Variants in DNHD1 observed in about 807,000 individuals in gnomAD.
DNHD1 encodes the protein dynein heavy chain domain-containing protein 1.
DNHD1 carries 383 observed loss-of-function variants against 458.1 expected under a neutral mutation model. That is an observed-to-expected ratio of 0.84 (90% CI 0.77 to 0.91). DNHD1 has a LOEUF of 0.91. Among genes scored for constraint, DNHD1 ranks in the 40% least tolerant of loss-of-function variants. The probability of loss-of-function intolerance (pLI) is 0.00; values close to 1 mark genes in which losing one functional copy is unlikely to be tolerated. For missense variants in DNHD1, 5,336 were observed against 5,866.1 expected, an observed-to-expected ratio of 0.91 and a Z score of 2.95; for synonymous variants, 2,203 against 2,376.9, an observed-to-expected ratio of 0.93 and a Z score of 2.13.
In DNHD1 at chr11:6,498,709, GC is replaced by G; in HGVS notation, c.497del (p.Pro166LeufsTer12). 1 of 1,614,194 alleles carries G rather than the reference GC, an allele frequency of 6.2e-7. No homozygotes were observed. Among genetic ancestry groups the G allele is most frequent in the Non-Finnish European group, 8.5e-7 (1 of 1,180,026 alleles). ...RLHHRPPCPA[C>X]PFVQAQWSRQ... Reference sequence around the variant, plus strand: ...CATCACAGGCCCCCATGCCCAGCTTGCCCTTTTGTGCAGGCCCAGTGGAGCA... The same window carrying G: ...CATCACAGGCCCCCATGCCCAGCTTGCCTTTTGTGCAGGCCCAGTGGAGCA... On this transcript the variant is annotated frameshift_variant, in exon 3 of 43. Coordinates refer to ENST00000254579, the MANE Select transcript of DNHD1 (RefSeq NM_144666.3). LOFTEE classifies it high-confidence loss of function.
In DNHD1 at chr11:6,548,767, T is replaced by C; in HGVS notation, c.7221T>C (p.Pro2407=). The part of the protein sequence containing the change: ...FVEVLVEPHH[P]YIYSPIHPAF... Reference sequence around the variant, plus strand: ...AGGTGCTGGTAGAGCCACATCACCCTTACATATACAGCCCCATCCACCCTG... The same window carrying C: ...AGGTGCTGGTAGAGCCACATCACCCCTACATATACAGCCCCATCCACCCTG... The change falls in exon 24 of 43, where the codon CCT becomes CCC. Residue 2407 remains proline (P), a synonymous_variant. Coordinates refer to ENST00000254579, the MANE Select transcript of DNHD1 (RefSeq NM_144666.3). This position sits in a 1 kb window ranked among gnomAD's most constrained non-coding sequence, Gnocchi z 4.4. The C allele has an allele frequency of 6.4e-7, 1 of 1,551,614 alleles. No individual in the cohort carries two copies.
chr11:6,563,365 T>C lies in DNHD1; in HGVS notation c.9670-17T>C. On this transcript the variant is annotated splice_polypyrimidine_tract_variant and intron_variant, in intron 29 of 42. Coordinates refer to ENST00000254579, the MANE Select transcript of DNHD1 (RefSeq NM_144666.3). ...CATCTCAGGAGCTCACTTCAGAGGGTATCTCTCCTCATTTAGATGAGCAAG... is the reference window on the plus strand; with the variant it reads ...CATCTCAGGAGCTCACTTCAGAGGGCATCTCTCCTCATTTAGATGAGCAAG... The C allele has an allele frequency of 6.4e-7, 1 of 1,551,100 alleles. No homozygotes were observed. The highest frequency in any genetic ancestry group is 2.0e-5 in the Admixed American group (1 of 51,000).
Position 6,548,383 on chromosome 11 carries a change from C to G in DNHD1, c.7079C>G (p.Thr2360Ser). Residue 2360 changes from threonine (T) to serine (S), a missense_variant, in exon 23 of 43, where the codon ACC (threonine) becomes AGC (serine). Thr to Ser is a moderately conservative substitution (Grantham distance 58). Around this residue, in one of 4 missense-constraint regions of DNHD1, gnomAD observed 3,932 missense variants for 4,365.6 expected, o/e 0.90. Coordinates refer to ENST00000254579, the MANE Select transcript of DNHD1 (RefSeq NM_144666.3). This position sits in a 1 kb window ranked among gnomAD's most constrained non-coding sequence, Gnocchi z 4.4. ...LSSHIKGTLG[T>S]FHPSIQTERL... ...AGCCACATCAAAGGAACTTTGGGCA[C>G]CTTTCACCCTTCTATCCAGGTGTGA... 4 of 1,551,726 alleles carry G rather than the reference C, an allele frequency of 2.6e-6. No individual in the cohort carries two copies. Among genetic ancestry groups the G allele is most frequent in the Non-Finnish European group, 3.5e-6 (4 of 1,146,990 alleles).
In DNHD1 at chr11:6,562,220, C is replaced by G. The variant is rs145432206; in HGVS notation, c.9520-762C>G. 1.1e-4 allele frequency among the ~76,000 whole-genome samples: 17 copies of G among 152,246 alleles called. No homozygotes were observed. In the East Asian group the frequency reaches 2.9e-3, roughly 26 times the overall value. ...ATTCAGGAGATGGAGCCAAGGGTAA[C>G]AACTCAGTTTGTTCCTTGGGAATCT... On this transcript the variant is annotated intron_variant, in intron 28 of 42. Coordinates refer to ENST00000254579, the MANE Select transcript of DNHD1 (RefSeq NM_144666.3).
At position 6,547,577 on chromosome 11, in the gene DNHD1, G is replaced by A; in HGVS notation, c.6638G>A (p.Gly2213Asp). The stretch of plus-strand genomic sequence containing the variant: ...CACGGGCAGCAGGCTGTTTGTGCAG[G>A]TGTGGCAGAAGTTACCAGCATGGCA... ...QVHGQQAVCA[G>D]VAEVTSMARI... is the part of the protein sequence containing the mutation. The change falls in exon 21 of 43, where the codon GGT becomes GAT. Residue 2213 changes from glycine to aspartate, a missense_variant. Physicochemically the swap from Gly to Asp is moderately conservative, Grantham distance 94. Coordinates refer to ENST00000254579, the MANE Select transcript of DNHD1 (RefSeq NM_144666.3). 1 of 1,550,122 alleles carries A rather than the reference G, an allele frequency of 6.5e-7. No individual in the cohort carries two copies. Among genetic ancestry groups the A allele is most frequent in the Non-Finnish European group, 8.7e-7 (1 of 1,145,696 alleles).
In DNHD1 at chr11:6,571,871, G is replaced by A; in HGVS notation, c.14147G>A (p.Gly4716Asp). 1 of 1,614,006 alleles carries A rather than the reference G, an allele frequency of 6.2e-7. No homozygotes were observed. The highest frequency in any genetic ancestry group is 8.5e-7 in the Non-Finnish European group (1 of 1,179,902). ...CCTGTGTACATGGGAGGGCCCCTTG[G>A]CACCGCTAAGCTGCAGAGCAGGAAC... ...SCPVYMGGPL[G>D]TAKLQSRNIV... Residue 4716 changes from glycine (G) to aspartate (D), a missense_variant, in exon 43 of 43, where the codon GGC becomes GAC. Transcript: ENST00000254579. This position sits in a 1 kb window ranked among gnomAD's most constrained non-coding sequence, Gnocchi z 5.0.
Position 6,547,183 on chromosome 11 carries a change from C to T in DNHD1, c.6244C>T (p.His2082Tyr), listed in dbSNP as rs1472431524. 2 of 1,551,780 alleles carry T rather than the reference C, an allele frequency of 1.3e-6. No individual in the cohort carries two copies. The highest frequency in any genetic ancestry group is 1.7e-6 in the Non-Finnish European group (2 of 1,147,008). ...RQTEESIGIQ[H>Y]WIICDGASNG... Reference sequence around the variant, plus strand: ...GACAGAGGAATCAATCGGGATCCAGCACTGGATAATATGTGATGGAGCCTC... The same window carrying T: ...GACAGAGGAATCAATCGGGATCCAGTACTGGATAATATGTGATGGAGCCTC... The change falls in exon 21 of 43, where the codon CAC (histidine) becomes TAC (tyrosine). Residue 2082 changes from histidine (H) to tyrosine (Y), a missense_variant. This residue lies in a region of DNHD1 where 3,932 missense variants were observed against 4,365.6 expected (regional missense o/e 0.90). Coordinates refer to ENST00000254579, the MANE Select transcript of DNHD1 (RefSeq NM_144666.3).
Position 6,497,788 on chromosome 11 carries a change from C to T in DNHD1, c.-428C>T. On this transcript the variant is annotated 5_prime_UTR_variant, in exon 3 of 43. Transcript: ENST00000254579. Reference sequence around the variant, plus strand: ...TCCAGCAGGCACTCTTCAATGAAACCTCATCAGCAGATCGGGCTCTCTTCC... The same window carrying T: ...TCCAGCAGGCACTCTTCAATGAAACTTCATCAGCAGATCGGGCTCTCTTCC... 5.2e-6 allele frequency: 1 copy of T among 191,608 alleles called. No individual in the cohort carries two copies. Among genetic ancestry groups the T allele is most frequent in the Non-Finnish European group, 1.1e-5 (1 of 91,784 alleles). 11.9% of individuals were successfully genotyped at this position (191,608 alleles called of 1,614,324 possible).
In DNHD1 at chr11:6,520,080, C is replaced by T. The variant is rs771339647; in HGVS notation, c.1763C>T (p.Ser588Phe). The T allele has an allele frequency of 6.2e-7, 1 of 1,614,206 alleles. No individual in the cohort carries two copies. Among genetic ancestry groups the T allele is most frequent in the East Asian group, 2.2e-5 (1 of 44,892 alleles). The change falls in exon 9 of 43, where the codon TCT becomes TTT. Residue 588 changes from serine to phenylalanine, a missense_variant. By Grantham distance (155) the Ser-to-Phe change is radical. Transcript: ENST00000254579. ...MIQTLTGGLQSVKTSALQVVQ... is the reference protein window; with the variant it reads ...MIQTLTGGLQFVKTSALQVVQ... Reference sequence around the variant, plus strand: ...CAGACTCTAACTGGAGGCCTACAGTCTGTCAAGACCTCTGCCTTGCAGGTA... The same window carrying T: ...CAGACTCTAACTGGAGGCCTACAGTTTGTCAAGACCTCTGCCTTGCAGGTA...
Position 6,566,316 on chromosome 11 carries a change from A to G in DNHD1, c.11129A>G (p.Gln3710Arg), listed in dbSNP as rs1264474920. The change falls in exon 34 of 43, where the codon CAG becomes CGG. Residue 3710 changes from glutamine (Q) to arginine (R), a missense_variant. Around this residue, in one of 4 missense-constraint regions of DNHD1, gnomAD observed 695 missense variants for 804.2 expected, o/e 0.86. Transcript: ENST00000254579. ...CTGCAATGGCTGCTGCAACGGGAGCAGCTGAGTCCACCCCAGGTGCAGCCT... is the reference window on the plus strand; with the variant it reads ...CTGCAATGGCTGCTGCAACGGGAGCGGCTGAGTCCACCCCAGGTGCAGCCT... ...EELQWLLQRE[Q>R]LSPPQVQPGF... The G allele has an allele frequency of 8.4e-6, 13 of 1,552,284 alleles. No homozygotes were observed. The highest frequency in any genetic ancestry group is 1.1e-5 in the Non-Finnish European group (13 of 1,147,350).
chr11:6,558,382 A>G (rs1014550082), intron 25 of DNHD1, 85 bp downstream of exon 25: 53 of 1,533,586 alleles, frequency 3.5e-5, no homozygotes, highest in African/African-American at 5.5e-5. Context: ...GTGGGCTGCC[A>G]TGAGGGCTGA....
In DNHD1 at chr11:6,566,290, A is replaced by C. The variant is rs1853693759; in HGVS notation, c.11103A>C (p.Glu3701Asp). The C allele has an allele frequency of 6.4e-7, 1 of 1,551,828 alleles. No individual in the cohort carries two copies. The highest frequency in any genetic ancestry group is 8.7e-7 in the Non-Finnish European group (1 of 1,147,056). Reference sequence around the variant, plus strand: ...TGGAGCTGGGTCTAGGGTGCGAAGAACTGCAATGGCTGCTGCAACGGGAGC... The same window carrying C: ...TGGAGCTGGGTCTAGGGTGCGAAGACCTGCAATGGCTGCTGCAACGGGAGC... ...TNVELGLGCE[E>D]LQWLLQREQL... is the part of the protein sequence containing the mutation. Residue 3701 changes from glutamate (E) to aspartate (D), a missense_variant, in exon 34 of 43, where the codon GAA becomes GAC. By Grantham distance (45) the Glu-to-Asp change is conservative. Transcript: ENST00000254579.
Position 6,498,532 on chromosome 11 carries a change from C to T in DNHD1, c.317C>T (p.Pro106Leu), listed in dbSNP as rs150257060. Residue 106 changes from proline to leucine, a missense_variant, in exon 3 of 43, where the codon CCC (proline) becomes CTC (leucine). Around this residue, in one of 4 missense-constraint regions of DNHD1, gnomAD observed 3,932 missense variants for 4,365.6 expected, o/e 0.90. Transcript: ENST00000254579. ...CTAGTTGGCCACCTTGATTTGCTGC[C>T]CTTCCTGGAGCAGCTGTACTGCTGG... The part of the protein sequence containing the change: ...ELLVGHLDLL[P>L]FLEQLYCWAP... 26 of 1,614,052 alleles carry T rather than the reference C, an allele frequency of 1.6e-5. No homozygotes were observed. In the African/African-American group the frequency reaches 3.5e-4, roughly 22 times the overall value.
At position 6,498,221 on chromosome 11, in the gene DNHD1, C is replaced by T. The variant is rs1410758588; in HGVS notation, c.6C>T (p.Val2=). 6.2e-6 allele frequency: 10 copies of T among 1,610,634 alleles called. No individual in the cohort carries two copies. The highest frequency in any genetic ancestry group is 7.6e-6 in the Non-Finnish European group (9 of 1,177,650). The change falls in exon 3 of 43, where the codon GTC becomes GTT. Residue 2 remains valine (V), a synonymous_variant. Transcript: ENST00000254579. M[V]PEERRVGLSS... is the part of the protein sequence containing the mutation. Reference sequence around the variant, plus strand: ...AGTTGAATGCCCAGCTCCTCATGGTCCCGGAGGAGAGGAGGGTAGGTTTGT... The same window carrying T: ...AGTTGAATGCCCAGCTCCTCATGGTTCCGGAGGAGAGGAGGGTAGGTTTGT...
At chr11:6,549,229 C>G (rs753051539) in intron 24 of DNHD1, among the ~76,000 whole-genome samples, 5 of 152,134 alleles carry the variant, frequency 3.3e-5, no homozygotes, top group Non-Finnish European at 5.9e-5. Context: ...ACCTCAGACC[C>G]AACCCTGAGC....
intron 7 of DNHD1, among the ~76,000 whole-genome samples, chr11:6,518,798 T>C (rs1852544036): frequency 6.6e-6 from 1 of 152,196 alleles, no homozygotes; most frequent in African/African-American, 2.4e-5. Context: ...TTGTATATGA[T>C]GTCCCGTGCT....
chr11:6,553,829 T>C lies in DNHD1; in HGVS notation c.7388-2854T>C, dbSNP rs1359109606. 2.0e-5 allele frequency among the ~76,000 whole-genome samples: 3 copies of C among 152,138 alleles called. No homozygotes were observed. In the East Asian group the frequency reaches 5.8e-4, roughly 29 times the overall value. On this transcript the variant is annotated intron_variant, in intron 24 of 42. Coordinates refer to ENST00000254579, the MANE Select transcript of DNHD1 (RefSeq NM_144666.3). The stretch of plus-strand genomic sequence containing the variant: ...TACACTGAAAATGACTAAATATTGC[T>C]GAGATAGAGGAAATGTAAATAAATG...
At position 6,548,281 on chromosome 11, in the gene DNHD1, C is replaced by G; in HGVS notation, c.6977C>G (p.Pro2326Arg). ...CTCTCCAACTACCCTGAGCCACCAC[C>G]CTCAGCCTTGGTGTTTGATCTACAT... Reference protein sequence around the residue: ...SRLSNYPEPPPSALVFDLHVS... With the variant: ...SRLSNYPEPPRSALVFDLHVS... Residue 2326 changes from proline (P) to arginine (R), a missense_variant, in exon 23 of 43, where the codon CCC (proline) becomes CGC (arginine). Around this residue, in one of 4 missense-constraint regions of DNHD1, gnomAD observed 3,932 missense variants for 4,365.6 expected, o/e 0.90. Transcript: ENST00000254579. This position sits in a 1 kb window ranked among gnomAD's most constrained non-coding sequence, Gnocchi z 4.4. 2 of 1,551,716 alleles carry G rather than the reference C, an allele frequency of 1.3e-6. No individual in the cohort carries two copies. Among genetic ancestry groups the G allele is most frequent in the Non-Finnish European group, 1.7e-6 (2 of 1,147,002 alleles).
At chr11:6,524,680 C>T (rs1852673410) in intron 10 of DNHD1, among the ~76,000 whole-genome samples, 1 of 152,130 alleles carries the variant, frequency 6.6e-6, no homozygotes, top group Non-Finnish European at 1.5e-5. Flanking sequence ...AGGGTAGATC[C>T]TCTTAGAAGG....
Sources: allele counts gnomAD v4.1 joint callset (sites outside exome capture counted in the v4.1 genomes callset), GRCh38; gene constraint gnomAD v4.1.1; regional missense constraint gnomAD v4.1.1; non-coding constraint Gnocchi (gnomAD v3.1); transcripts MANE v1.5; gene names NCBI Gene and HGNC (gene_info 2026-07-23, HGNC 2026-07-21).